Variants in ITGB3BP observed in about 807,000 individuals in gnomAD.
ITGB3BP encodes the protein integrin subunit beta 3 binding protein, also known as centromere protein R.
ITGB3BP carries 27 observed loss-of-function variants against 29.1 expected under a neutral mutation model. The observed-to-expected ratio is 0.93, with a 90% CI of 0.68 to 1.28. The LOEUF (loss-of-function observed/expected upper bound fraction) is 1.28, where lower values mean the gene tolerates loss of function less well. ITGB3BP is among the 50% of genes most tolerant of loss of function. ITGB3BP has a pLI of 0.00. For synonymous variants in ITGB3BP, 61 were observed against 61.4 expected (o/e 0.99, Z 0.03); for missense variants, 192 against 200.2 (o/e 0.96, Z 0.25).
chr1:63,459,719 C>T (rs1009539650), intron 4 of ITGB3BP, among the ~76,000 whole-genome samples: 41 of 151,948 alleles, frequency 2.7e-4, no homozygotes, highest in Non-Finnish European at 1.9e-4. Flanking sequence ...TTTAATTATC[C>T]GGGTTTTATA....
chr1:63,469,313 AATT>A (rs1265796273), intron 4 of ITGB3BP, among the ~76,000 whole-genome samples: 2 of 151,162 alleles, frequency 1.3e-5, no homozygotes, highest in African/African-American at 2.4e-5. Context: ...CTTGACCATA[AATT>A]ATTATTATTA....
chr1:63,461,535 A>C (rs1645018995), intron 4 of ITGB3BP, among the ~76,000 whole-genome samples: 1 of 152,164 alleles, frequency 6.6e-6, no homozygotes, highest in Admixed American at 6.5e-5. Context: ...AGAATCTATC[A>C]ACAAATTCAA....
chr1:63,470,712 G>A (rs1287663701), intron 4 of ITGB3BP, among the ~76,000 whole-genome samples: 1 of 152,160 alleles, frequency 6.6e-6, no homozygotes, highest in African/African-American at 2.4e-5. Context: ...AGACTGCAAT[G>A]ATCATTATGG....
At chr1:63,514,328 G>GT (rs1349275667) in intron 1 of ITGB3BP, among the ~76,000 whole-genome samples, 10 of 152,110 alleles carry the variant, frequency 6.6e-5, no homozygotes, top group South Asian at 2.1e-4. Context: ...CCTTTTACAA[G>GT]TTTTTTTGTT....
chr1:63,505,106 C>T (rs980789622), intron 2 of ITGB3BP, among the ~76,000 whole-genome samples: 2 of 152,102 alleles, frequency 1.3e-5, no homozygotes, highest in Non-Finnish European at 2.9e-5. Flanking sequence ...CTCCTTGTAC[C>T]TCTGGTAGAA....
In ITGB3BP at chr1:63,441,099, A is replaced by C. The variant is rs1644723375; in HGVS notation, c.*6T>G. 1 of 152,526 alleles carries C rather than the reference A, an allele frequency of 6.6e-6. No homozygotes were observed. Among genetic ancestry groups the C allele is most frequent in the East Asian group, 1.9e-4 (1 of 5,200 alleles). 9.4% of individuals were successfully genotyped at this position (152,526 alleles called of 1,614,324 possible). ...GCTCATGGTGAGTGCATTTCTTCTT[A>C]ATGCCTGTGAGATATAAAAGATAAT... On this transcript the variant is annotated 3_prime_UTR_variant, in exon 9 of 9. Coordinates refer to ENST00000271002, the MANE Select transcript of ITGB3BP (RefSeq NM_014288.5).
In ITGB3BP at chr1:63,473,380, G is replaced by A. The variant is rs1430543859; in HGVS notation, c.254+5384C>T. On this transcript the variant is annotated intron_variant, in intron 4 of 8. Coordinates refer to ENST00000271002, the MANE Select transcript of ITGB3BP (RefSeq NM_014288.5). ...AGCCCCCCGCCCGGCCAGCCGCCCC[G>A]TCCGGGAGGTGAGGGGCTCCTCTGC... is the stretch of plus-strand genomic sequence containing the variant. Among the ~76,000 whole-genome samples, 16 of 146,728 alleles carry A rather than the reference G, an allele frequency of 1.1e-4. No individual in the cohort carries two copies. The South Asian group carries it at 1.8e-3, about 16-fold the overall frequency.
At position 63,494,584 on chromosome 1, in the gene ITGB3BP, A is replaced by G. The variant is rs144996885; in HGVS notation, c.49-4366T>C. 9.9e-3 allele frequency among the ~76,000 whole-genome samples: 1,506 copies of G among 152,316 alleles called. 17 individuals are homozygous for G. Among genetic ancestry groups the G allele is most frequent in the Non-Finnish European group, 0.016 (1,104 of 68,032 alleles). On this transcript the variant is annotated intron_variant, in intron 2 of 8. Transcript: ENST00000271002. ...ATATGACCAATATATTAGAGCTATG[A>G]TACTGAATTATACATTTGCTAAAAC...
At chr1:63,515,564 A>C (rs2100808670) in intron 1 of ITGB3BP, among the ~76,000 whole-genome samples, 1 of 152,246 alleles carries the variant, frequency 6.6e-6, no homozygotes, top group Admixed American at 6.5e-5. Flanking sequence ...ACGATGGTTC[A>C]CGCCTGTAAT....
At chr1:63,495,413 G>A (rs1278112835) in intron 2 of ITGB3BP, among the ~76,000 whole-genome samples, 1 of 152,182 alleles carries the variant, frequency 6.6e-6, no homozygotes, top group African/African-American at 2.4e-5. Context: ...CTAAAGGAAA[G>A]ATAGCTGTGG....
At chr1:63,519,328 T>C (rs532843949) in intron 1 of ITGB3BP, among the ~76,000 whole-genome samples, 112 of 152,248 alleles carry the variant, frequency 7.4e-4, no homozygotes, top group African/African-American at 2.6e-3. Context: ...ATGTAATTTA[T>C]TGAATATTGT....
At chr1:63,506,207 G>C (rs1379818503) in intron 2 of ITGB3BP, among the ~76,000 whole-genome samples, 1 of 152,134 alleles carries the variant, frequency 6.6e-6, no homozygotes, top group African/African-American at 2.4e-5. Flanking sequence ...CCTGTATTGG[G>C]TGCATATATA....
chr1:63,463,073 G>C (rs1267050836), intron 4 of ITGB3BP, among the ~76,000 whole-genome samples: 1 of 151,836 alleles, frequency 6.6e-6, no homozygotes, highest in African/African-American at 2.4e-5. Flanking sequence ...GGCCAACATG[G>C]TGAAACCCCG....
intron 2 of ITGB3BP, among the ~76,000 whole-genome samples, chr1:63,504,788 G>T (rs968483432): frequency 6.6e-6 from 1 of 152,114 alleles, no homozygotes; most frequent in African/African-American, 2.4e-5. Flanking sequence ...TTTGTCGTTG[G>T]TTCTGTTTAT....
intron 3 of ITGB3BP, among the ~76,000 whole-genome samples, chr1:63,479,080 G>A (rs1424821000): frequency 1.3e-5 from 2 of 151,922 alleles, no homozygotes; most frequent in East Asian, 1.9e-4. Context: ...ATATTAAAGA[G>A]AAATCAAATA....
chr1:63,446,873 AGG>A lies in ITGB3BP; in HGVS notation c.485-19_485-18del. The A allele has an allele frequency of 6.4e-7, 1 of 1,569,882 alleles. No homozygotes were observed. The highest frequency in any genetic ancestry group is 8.7e-7 in the Non-Finnish European group (1 of 1,149,910). On this transcript the variant is annotated intron_variant, in intron 7 of 8. Coordinates refer to ENST00000271002, the MANE Select transcript of ITGB3BP (RefSeq NM_014288.5). ...GACGTGATGCTATATGAAAGAAGAA[AGG>A]TTTTTTTTTTCAGAAAACAATTCAA...
chr1:63,505,990 G>A (rs1017593208), intron 2 of ITGB3BP, among the ~76,000 whole-genome samples: 1 of 152,210 alleles, frequency 6.6e-6, no homozygotes, highest in Non-Finnish European at 1.5e-5. Context: ...TGTATATTCT[G>A]TTGATTTGGG....
intron 4 of ITGB3BP, among the ~76,000 whole-genome samples, chr1:63,460,917 T>C (rs562325502): frequency 2.0e-5 from 3 of 152,102 alleles, no homozygotes; most frequent in Admixed American, 6.5e-5. Context: ...CATGTGTTTA[T>C]TGGCAATTTA....
At chr1:63,506,808 A>T (rs1334670124) in intron 2 of ITGB3BP, among the ~76,000 whole-genome samples, 1 of 152,206 alleles carries the variant, frequency 6.6e-6, no homozygotes, top group Non-Finnish European at 1.5e-5. Flanking sequence ...TGGTAAGGTA[A>T]AATGACCACA....
Sources: allele counts gnomAD v4.1 joint callset (sites outside exome capture counted in the v4.1 genomes callset), GRCh38; gene constraint gnomAD v4.1.1; transcripts MANE v1.5; gene names NCBI Gene and HGNC (gene_info 2026-07-23, HGNC 2026-07-21).